Variants in ZCCHC4 observed in about 807,000 individuals in gnomAD.
The protein encoded by ZCCHC4 is rRNA N(6)-adenosine-methyltransferase ZCCHC4.
A neutral mutation model predicts 67.7 loss-of-function variants in ZCCHC4; 54 were observed. The ratio of observed to expected loss-of-function variants is 0.80; its 90% CI spans 0.64 to 1.00. The LOEUF is 1.00. Ranked by LOEUF, ZCCHC4 falls within the 50% of genes least tolerant of loss-of-function variation. ZCCHC4 has a pLI of 0.00. For synonymous variants in ZCCHC4, 198 were observed against 213.5 expected (o/e 0.93, Z 0.63); for missense variants, 609 against 617.0 (o/e 0.99, Z 0.14).
chr4:25,352,263 A>G, intron 8 of ZCCHC4: 2 of 985,452 alleles, frequency 2.0e-6, no homozygotes, highest in Non-Finnish European at 2.4e-6. Flanking sequence ...CCTGCCTGAA[A>G]TGAGAATGAG....
intron 3 of ZCCHC4, among the ~76,000 whole-genome samples, chr4:25,317,893 CATCTT>C (rs1427504293): frequency 6.6e-6 from 1 of 152,052 alleles, no homozygotes. Context: ...AGCTGTGACT[CATCTT>C]ATGCCTGATT....
rs1385664419 is a variant in ZCCHC4, at chr4:25,366,711, A to G, written c.1406+1545A>G. On this transcript the variant is annotated intron_variant, in intron 12 of 12. Coordinates refer to ENST00000302874, the MANE Select transcript of ZCCHC4 (RefSeq NM_024936.3). ...AGTCTGGGATTGCTGTACCATTGTC[A>G]GTGTGATTCTGTGTGGTAGTCAGTA... 3.9e-5 allele frequency among the ~76,000 whole-genome samples: 6 copies of G among 152,348 alleles called. No homozygotes were observed. The East Asian group carries it at 5.8e-4, about 15-fold the overall frequency.
Position 25,333,459 on chromosome 4 carries a change from G to T in ZCCHC4, c.605+1G>T, listed in dbSNP as rs748324849. The T allele has an allele frequency of 2.5e-6, 4 of 1,613,062 alleles. No individual in the cohort carries two copies. Among genetic ancestry groups the T allele is most frequent in the Non-Finnish European group, 3.4e-6 (4 of 1,179,440 alleles). On this transcript the variant is annotated splice_donor_variant, in intron 4 of 12. Transcript: ENST00000302874. LOFTEE classifies it high-confidence loss of function. ...GAGTACTGTGTGTTGGAACACCAAG[G>T]TATGTCATGTGATTTTTTAAAGAAT... is the stretch of plus-strand genomic sequence containing the variant.
intron 8 of ZCCHC4, among the ~76,000 whole-genome samples, chr4:25,357,398 G>A (rs1260126675): frequency 6.6e-6 from 1 of 152,178 alleles, no homozygotes; most frequent in Non-Finnish European, 1.5e-5. Context: ...CTTCCAAATA[G>A]GCCAACTGTG....
intron 8 of ZCCHC4, among the ~76,000 whole-genome samples, chr4:25,358,309 G>T (rs1203120922): frequency 6.6e-6 from 1 of 152,076 alleles, no homozygotes; most frequent in African/African-American, 2.4e-5. Flanking sequence ...AACCTTCACA[G>T]CAACTTTAAG....
chr4:25,314,165 G>A lies in ZCCHC4; in HGVS notation c.246+1G>A. ...TTTTTTTCAGTGGGAAGATGAAAAG[G>A]TATATCAACTTTTTGGATATTTATT... On this transcript the variant is annotated splice_donor_variant, in intron 2 of 12. Coordinates refer to ENST00000302874, the MANE Select transcript of ZCCHC4 (RefSeq NM_024936.3). LOFTEE classifies it high-confidence loss of function. 1.3e-6 allele frequency: 2 copies of A among 1,560,912 alleles called. No individual in the cohort carries two copies. The highest frequency in any genetic ancestry group is 1.7e-6 in the Non-Finnish European group (2 of 1,148,154).
At position 25,365,081 on chromosome 4, in the gene ZCCHC4, C is replaced by A; in HGVS notation, c.1321C>A (p.Pro441Thr). The A allele has an allele frequency of 2.5e-6, 4 of 1,614,150 alleles. No individual in the cohort carries two copies. The highest frequency in any genetic ancestry group is 2.5e-6 in the Non-Finnish European group (3 of 1,180,016). Residue 441 changes from proline (P) to threonine (T), a missense_variant, in exon 12 of 13, where the codon CCC becomes ACC. Physicochemically the swap from Pro to Thr is conservative, Grantham distance 38. Coordinates refer to ENST00000302874, the MANE Select transcript of ZCCHC4 (RefSeq NM_024936.3). ...CAVPDHSCEGPKHGCFICGEL... is the reference protein window; with the variant it reads ...CAVPDHSCEGTKHGCFICGEL... ...TGTTCCAGATCATTCTTGTGAGGGC[C>A]CCAAACATGGCTGCTTTATTTGTGG... is the stretch of plus-strand genomic sequence containing the variant.
chr4:25,353,297 T>A (rs1720385319), intron 8 of ZCCHC4, among the ~76,000 whole-genome samples: 1 of 152,244 alleles, frequency 6.6e-6, no homozygotes, highest in Non-Finnish European at 1.5e-5. Flanking sequence ...TGGACTTTTT[T>A]ATGGCTATTA....
At chr4:25,365,949 G>T (rs1178980047) in intron 12 of ZCCHC4, 3 of 983,302 alleles carry the variant, frequency 3.1e-6, no homozygotes, top group Non-Finnish European at 3.6e-6. Flanking sequence ...ATGTTACACA[G>T]TTATTAATTG....
intron 9 of ZCCHC4, 51 bp downstream of exon 9, chr4:25,362,031 A>G: frequency 1.3e-6 from 2 of 1,577,018 alleles, no homozygotes; most frequent in Non-Finnish European, 1.7e-6. Context: ...AAATAAAGTT[A>G]CATATATCCA....
intron 3 of ZCCHC4, among the ~76,000 whole-genome samples, chr4:25,331,229 C>G (rs10004567): frequency 6.2e-4 from 95 of 152,302 alleles, no homozygotes; most frequent in African/African-American, 2.1e-3. Flanking sequence ...TATATTTTGT[C>G]TTTTTAAAAC....
chr4:25,333,798 A>G (rs1719309323), intron 4 of ZCCHC4, 110 bp from the exon 5 acceptor site: 8 of 842,754 alleles, frequency 9.5e-6, no homozygotes, highest in South Asian at 7.4e-5. Context: ...TCAGTGTTTC[A>G]TTGAAATATC....
chr4:25,335,144 C>T (rs1719388193), intron 5 of ZCCHC4, among the ~76,000 whole-genome samples: 1 of 152,158 alleles, frequency 6.6e-6, no homozygotes, highest in African/African-American at 2.4e-5. Context: ...TGTAAAATGT[C>T]CGTTTAAAAA....
intron 3 of ZCCHC4, among the ~76,000 whole-genome samples, chr4:25,318,922 T>A (rs1471663638): frequency 6.6e-6 from 1 of 152,154 alleles, no homozygotes; most frequent in Non-Finnish European, 1.5e-5. Flanking sequence ...GAAGTCTCCA[T>A]CCAACCATCT....
intron 5 of ZCCHC4, among the ~76,000 whole-genome samples, chr4:25,334,651 G>GT (rs1388182392): frequency 6.6e-6 from 1 of 152,126 alleles, no homozygotes; most frequent in Non-Finnish European, 1.5e-5. Flanking sequence ...ATTGTCCACT[G>GT]TGTCTATAAT....
intron 8 of ZCCHC4, among the ~76,000 whole-genome samples, chr4:25,358,379 G>A (rs1720595070): frequency 6.6e-6 from 1 of 152,148 alleles, no homozygotes; most frequent in Non-Finnish European, 1.5e-5. Context: ...CACAGAATGG[G>A]AAACCCTGAC....
chr4:25,313,082 G>C, intron 1 of ZCCHC4, 146 bp downstream of exon 1: 1 of 1,255,138 alleles, frequency 8.0e-7, no homozygotes. Flanking sequence ...TCGGAACGCG[G>C]TGTTTTTCAA....
chr4:25,321,768 G>A (rs1718598179), intron 3 of ZCCHC4, among the ~76,000 whole-genome samples: 1 of 152,182 alleles, frequency 6.6e-6, no homozygotes, highest in African/African-American at 2.4e-5. Flanking sequence ...TCCTGCCTCA[G>A]CCTCCCGGGT....
chr4:25,342,530 A>T (rs1027854839), intron 5 of ZCCHC4, among the ~76,000 whole-genome samples: 24 of 152,234 alleles, frequency 1.6e-4, no homozygotes, highest in African/African-American at 5.5e-4. Context: ...AAATAAAGTT[A>T]TGTCAAAAAA....
Sources: allele counts gnomAD v4.1 joint callset (sites outside exome capture counted in the v4.1 genomes callset), GRCh38; gene constraint gnomAD v4.1.1; transcripts MANE v1.5; gene names NCBI Gene and HGNC (gene_info 2026-07-23, HGNC 2026-07-21).